The following PCDHGA8 variants were observed in gnomAD, a reference collection of about 807,000 sequenced individuals.
PCDHGA8 encodes the protein protocadherin gamma subfamily A, 8, also known as protocadherin gamma-A8.
Under a neutral mutation model 59.2 loss-of-function variants are expected in PCDHGA8, and 45 were observed. The observed-to-expected ratio is 0.76, with a 90% CI of 0.60 to 0.98. The LOEUF is 0.98. PCDHGA8 is among the 50% of genes least tolerant of loss of function. The pLI is 0.00. For missense variants in PCDHGA8, 1,257 were observed against 1,196.2 expected, an observed-to-expected ratio of 1.05 and a Z score of -0.75; for synonymous variants, 531 against 519.0, an observed-to-expected ratio of 1.02 and a Z score of -0.32.
chr5:141,487,176 A>T lies in PCDHGA8; in HGVS notation c.2425-7631A>T. ...ACTCTCTTAGTGTCCTTAGAGGAAG[A>T]CACTCATCCAGTTGTCCCAGATCTT... On this transcript the variant is annotated intron_variant, in intron 1 of 3. Transcript: ENST00000398604. This position sits in a 1 kb window ranked among gnomAD's most constrained non-coding sequence, Gnocchi z 5.0. 1 of 1,613,774 alleles carries T rather than the reference A, an allele frequency of 6.2e-7. No individual in the cohort carries two copies. Among genetic ancestry groups the T allele is most frequent in the South Asian group, 1.1e-5 (1 of 91,082 alleles).
At chr5:141,400,065 A>G (rs1012484805) in intron 1 of PCDHGA8, 3 of 1,613,758 alleles carry the variant, frequency 1.9e-6, no homozygotes, top group African/African-American at 1.3e-5. Flanking sequence ...GTGATGGTGG[A>G]CAGCCGCCAC....
rs2099641960 is a variant in PCDHGA8 at position 141,487,259 on chromosome 5, T to C, written c.2425-7548T>C. On this transcript the variant is annotated intron_variant, in intron 1 of 3. Coordinates refer to ENST00000398604, the MANE Select transcript of PCDHGA8 (RefSeq NM_032088.2). This position sits in a 1 kb window ranked among gnomAD's most constrained non-coding sequence, Gnocchi z 5.0. ...TCGTCTAACCCTCTACTTGGCTGTG[T>C]CCCTAGTGGCAATTTGCTTTGTCTC... 6.2e-7 allele frequency: 1 copy of C among 1,614,132 alleles called. No homozygotes were observed. Among genetic ancestry groups the C allele is most frequent in the Non-Finnish European group, 8.5e-7 (1 of 1,180,012 alleles).
intron 1 of PCDHGA8, chr5:141,430,760 A>C: frequency 1.3e-6 from 2 of 1,505,596 alleles, no homozygotes; most frequent in Non-Finnish European, 8.9e-7. Context: ...GAAGATAAGA[A>C]TGATTCCTGC....
Position 141,398,972 on chromosome 5 carries a change from A to G in PCDHGA8, c.2424+3735A>G, listed in dbSNP as rs191593174. 31 of 1,613,974 alleles carry G rather than the reference A, an allele frequency of 1.9e-5. No homozygotes were observed. In the South Asian group the frequency reaches 2.5e-4, roughly 13 times the overall value. The stretch of plus-strand genomic sequence containing the variant: ...AACTCAGAAATTACTTATTCCTTCT[A>G]CAGAACCGGGCAAATCTTTAGTCTG... On this transcript the variant is annotated intron_variant, in intron 1 of 3. Transcript: ENST00000398604.
chr5:141,440,330 G>A (rs1377511406), intron 1 of PCDHGA8: 1 of 152,162 alleles, frequency 6.6e-6, no homozygotes, highest in Non-Finnish European at 1.5e-5. Context: ...ACTGGGCATG[G>A]TGGTGCAGGC....
chr5:141,427,391 A>G (rs942653386), intron 1 of PCDHGA8: 3 of 459,818 alleles, frequency 6.5e-6, no homozygotes, highest in Non-Finnish European at 1.3e-5. Context: ...TGTTCAAAAC[A>G]CATGATAAAG....
intron 1 of PCDHGA8, chr5:141,422,081 T>C: frequency 2.5e-6 from 4 of 1,612,346 alleles, no homozygotes; most frequent in Non-Finnish European, 3.4e-6. Context: ...TTTCGGAACA[T>C]GGAAAGCAAG....
chr5:141,451,582 T>C (rs1361047985), intron 1 of PCDHGA8, among the ~76,000 whole-genome samples: 1 of 152,012 alleles, frequency 6.6e-6, no homozygotes, highest in Non-Finnish European at 1.5e-5. Flanking sequence ...TAAACCTAAT[T>C]TTGAAAGTGA....
chr5:141,503,362 G>A (rs565902559), intron 2 of PCDHGA8, among the ~76,000 whole-genome samples: 32 of 152,054 alleles, frequency 2.1e-4, no homozygotes, highest in African/African-American at 6.5e-4. Context: ...TTTGGGAAGC[G>A]GAGGCAGGTG....
rs139211149 is a variant in PCDHGA8, at chr5:141,426,067, G to A, written c.2424+30830G>A. Among the ~76,000 whole-genome samples, 5 of 152,328 alleles carry A rather than the reference G, an allele frequency of 3.3e-5. No individual in the cohort carries two copies. The East Asian group carries it at 9.6e-4, about 29-fold the overall frequency. On this transcript the variant is annotated intron_variant, in intron 1 of 3. Coordinates refer to ENST00000398604, the MANE Select transcript of PCDHGA8 (RefSeq NM_032088.2). Reference sequence around the variant, plus strand: ...TGGCCAATGTGCTGCAAGAACTGGAGCCTGGGATCTACCAGGACGATATTC... The same window carrying A: ...TGGCCAATGTGCTGCAAGAACTGGAACCTGGGATCTACCAGGACGATATTC...
At position 141,487,235 on chromosome 5, in the gene PCDHGA8, C is replaced by A. The variant is rs752316565; in HGVS notation, c.2425-7572C>A. ...TTCAGCTCCAAGGGAAGGAGAATCT[C>A]GTCTAACCCTCTACTTGGCTGTGTC... On this transcript the variant is annotated intron_variant, in intron 1 of 3. Coordinates refer to ENST00000398604, the MANE Select transcript of PCDHGA8 (RefSeq NM_032088.2). This position sits in a 1 kb window ranked among gnomAD's most constrained non-coding sequence, Gnocchi z 5.0. 11 of 1,614,126 alleles carry A rather than the reference C, an allele frequency of 6.8e-6. No homozygotes were observed. The highest frequency in any genetic ancestry group is 7.6e-6 in the Non-Finnish European group (9 of 1,179,994).
intron 1 of PCDHGA8, chr5:141,407,952 G>A (rs1235192174): frequency 2.7e-5 from 17 of 633,328 alleles, no homozygotes; most frequent in Admixed American, 1.4e-4. Context: ...CTGTCGGCCA[G>A]TGCAGAGCAA....
At chr5:141,479,505 G>A (rs2099498324) in intron 1 of PCDHGA8, 1 of 152,262 alleles carries the variant, frequency 6.6e-6, no homozygotes, top group African/African-American at 2.4e-5. Flanking sequence ...CCTAAAGAGG[G>A]GTGAACTGGC....
chr5:141,486,637 G>T lies in PCDHGA8; in HGVS notation c.2425-8170G>T. On this transcript the variant is annotated intron_variant, in intron 1 of 3. Coordinates refer to ENST00000398604, the MANE Select transcript of PCDHGA8 (RefSeq NM_032088.2). This position sits in a 1 kb window ranked among gnomAD's most constrained non-coding sequence, Gnocchi z 5.0. ...CTGACCCAGACTCTGGCTTGAATGCGCTTATCTCCTACTCACTCCTGGAGC... is the reference window on the plus strand; with the variant it reads ...CTGACCCAGACTCTGGCTTGAATGCTCTTATCTCCTACTCACTCCTGGAGC... 6.2e-7 allele frequency: 1 copy of T among 1,613,638 alleles called. No homozygotes were observed. The highest frequency in any genetic ancestry group is 8.5e-7 in the Non-Finnish European group (1 of 1,180,034).
intron 1 of PCDHGA8, among the ~76,000 whole-genome samples, chr5:141,397,265 A>G (rs2093498946): frequency 6.6e-6 from 1 of 152,210 alleles, no homozygotes; most frequent in Non-Finnish European, 1.5e-5. Context: ...TTTCTTAGCT[A>G]CATCATATGG....
chr5:141,418,434 C>T, intron 1 of PCDHGA8: 5 of 1,613,944 alleles, frequency 3.1e-6, no homozygotes, highest in Non-Finnish European at 4.2e-6. Context: ...GGCAAATATC[C>T]AGAATTAGTA....
intron 1 of PCDHGA8, among the ~76,000 whole-genome samples, chr5:141,468,747 T>A (rs2099176715): frequency 6.6e-6 from 1 of 151,990 alleles, no homozygotes; most frequent in South Asian, 2.1e-4. Context: ...GTGCCTGTAG[T>A]CCCAGCTACT....
intron 1 of PCDHGA8, among the ~76,000 whole-genome samples, chr5:141,420,793 T>C (rs1400287885): frequency 6.6e-6 from 1 of 152,268 alleles, no homozygotes; most frequent in Non-Finnish European, 1.5e-5. Flanking sequence ...TGAAAACTTT[T>C]TAAAAATTAA....
intron 3 of PCDHGA8, 93 bp downstream of exon 3, chr5:141,505,574 C>G: frequency 6.3e-7 from 1 of 1,593,636 alleles, no homozygotes; most frequent in South Asian, 1.1e-5. Flanking sequence ...GGATGTCAAA[C>G]CTGTGTAGTT....
Sources: allele counts gnomAD v4.1 joint callset (sites outside exome capture counted in the v4.1 genomes callset), GRCh38; gene constraint gnomAD v4.1.1; non-coding constraint Gnocchi (gnomAD v3.1); transcripts MANE v1.5; gene names NCBI Gene and HGNC (gene_info 2026-07-23, HGNC 2026-07-21).